The following FOXP2 variants were observed in gnomAD, a reference collection of about 807,000 sequenced individuals.
The protein encoded by FOXP2 is forkhead box P2, also known as forkhead box protein P2.
Under a neutral mutation model 115.8 loss-of-function variants are expected in FOXP2, and 12 were observed. The ratio of observed to expected loss-of-function variants is 0.10; its 90% CI spans 0.07 to 0.17. The LOEUF (loss-of-function observed/expected upper bound fraction) is 0.17, where lower values mean the gene tolerates loss of function less well. FOXP2 is among the 10% of genes least tolerant of loss of function. The pLI is 1.00. For synonymous variants in FOXP2, 328 were observed against 297.7 expected, an observed-to-expected ratio of 1.10 and a Z score of -1.05; for missense variants, 629 against 843.5, an observed-to-expected ratio of 0.75 and a Z score of 3.15.
intron 2 of FOXP2, among the ~76,000 whole-genome samples, chr7:114,492,102 C>T (rs1323201993): frequency 6.6e-6 from 1 of 152,122 alleles, no homozygotes; most frequent in Admixed American, 6.6e-5. Flanking sequence ...TGTTATTGGT[C>T]TATTCAGAGA....
chr7:114,528,165 C>T (rs530554720), intron 2 of FOXP2, among the ~76,000 whole-genome samples: 1 of 152,150 alleles, frequency 6.6e-6, no homozygotes, highest in South Asian at 2.1e-4. Flanking sequence ...TATGCTCTAT[C>T]CAAGATCAAT....
chr7:114,464,097 C>G (rs1037707948), intron 2 of FOXP2, among the ~76,000 whole-genome samples: 3 of 152,090 alleles, frequency 2.0e-5, no homozygotes, highest in Non-Finnish European at 4.4e-5. Context: ...AAATTTTATT[C>G]CCCTGTAAGT....
intron 2 of FOXP2, among the ~76,000 whole-genome samples, chr7:114,519,713 G>T (rs1277397258): frequency 6.6e-6 from 1 of 152,080 alleles, no homozygotes; most frequent in African/African-American, 2.4e-5. Flanking sequence ...AAGCCTTTGA[G>T]GGGGGCAGCA....
rs151173005 is a variant in FOXP2 at position 114,519,182 on chromosome 7, G to C, written c.169-15435G>C. 2.5e-3 allele frequency among the ~76,000 whole-genome samples: 385 copies of C among 152,274 alleles called. 2 individuals are homozygous for C. The highest frequency in any genetic ancestry group is 8.9e-3 in the African/African-American group (369 of 41,536). On this transcript the variant is annotated intron_variant, in intron 2 of 16. Coordinates refer to ENST00000350908, the MANE Select transcript of FOXP2 (RefSeq NM_014491.4). ...AATAATTTTTAATTAAAGAAGAGTA[G>C]GGAGGTAGCAATACCATAGAAGCTC... is the stretch of plus-strand genomic sequence containing the variant.
chr7:114,546,791 A>C (rs909873307), intron 3 of FOXP2, among the ~76,000 whole-genome samples: 1 of 152,202 alleles, frequency 6.6e-6, no homozygotes, highest in South Asian at 2.1e-4. Context: ...CAGTTATCTG[A>C]TTACTTCTCT....
chr7:114,354,693 C>A (rs969980782), intron 2 of FOXP2, among the ~76,000 whole-genome samples: 16 of 152,088 alleles, frequency 1.1e-4, no homozygotes, highest in African/African-American at 3.9e-4. Flanking sequence ...TCTTCTCCCT[C>A]CCCCTATATT....
intron 2 of FOXP2, among the ~76,000 whole-genome samples, chr7:114,455,706 A>G (rs1795285669): frequency 6.6e-6 from 1 of 152,200 alleles, no homozygotes; most frequent in South Asian, 2.1e-4. Flanking sequence ...CTACTTCCTT[A>G]CACACAATTA....
chr7:114,340,169 A>G (rs1044936073), intron 2 of FOXP2, among the ~76,000 whole-genome samples: 2 of 151,154 alleles, frequency 1.3e-5, no homozygotes. Flanking sequence ...GCTTAATAAG[A>G]AACCATGTGA....
intron 2 of FOXP2, among the ~76,000 whole-genome samples, chr7:114,508,767 G>A (rs556213791): frequency 6.6e-6 from 1 of 152,142 alleles, no homozygotes; most frequent in Non-Finnish European, 1.5e-5. Flanking sequence ...TTAAAATTGG[G>A]TATTCACTTA....
intron 1 of FOXP2, among the ~76,000 whole-genome samples, chr7:114,199,169 G>A (rs1370247076): frequency 3.3e-5 from 5 of 152,118 alleles, no homozygotes; most frequent in East Asian, 1.9e-4. Context: ...GGTGTCACCC[G>A]CTGTGCCTGG....
At chr7:114,256,583 G>A (rs1795619402) in intron 1 of FOXP2, among the ~76,000 whole-genome samples, 1 of 152,126 alleles carries the variant, frequency 6.6e-6, no homozygotes, top group Non-Finnish European at 1.5e-5. Context: ...TAAGTTTCTT[G>A]TAGACTCTGG....
At chr7:114,594,160 T>C (rs377138482) in intron 3 of FOXP2, among the ~76,000 whole-genome samples, 8 of 152,184 alleles carry the variant, frequency 5.3e-5, no homozygotes, top group African/African-American at 1.9e-4. Flanking sequence ...CCTCTAATAA[T>C]CCATTTGATT....
intron 16 of FOXP2, among the ~76,000 whole-genome samples, chr7:114,689,340 A>G (rs1171057745): frequency 6.6e-6 from 1 of 152,156 alleles, no homozygotes; most frequent in African/African-American, 2.4e-5. Flanking sequence ...AAATAGAAAT[A>G]AAATTGTTAA....
chr7:114,278,998 T>A lies in FOXP2; in HGVS notation c.-101-9021T>A, dbSNP rs148739846. On this transcript the variant is annotated intron_variant, in intron 1 of 17. Transcript: ENST00000634411. ...TTTATGAAAAATAAATTCTGGGTTA[T>A]ATGGGTAGATTAGAATAGAAGGTGG... Among the ~76,000 whole-genome samples the A allele has an allele frequency of 9.9e-3, 1,501 of 152,244 alleles. 16 individuals carry two copies. The highest frequency in any genetic ancestry group is 0.02 in the Middle Eastern group (6 of 294).
chr7:114,589,084 G>A (rs1229758), intron 3 of FOXP2, among the ~76,000 whole-genome samples: 79,918 of 151,804 alleles, frequency 0.53, 21,499 homozygotes, highest in East Asian at 0.75. Context: ...AAAAATAATC[G>A]TCATCAGACT....
chr7:114,590,432 AC>A (rs1441583286), intron 3 of FOXP2, among the ~76,000 whole-genome samples: 1 of 152,180 alleles, frequency 6.6e-6, no homozygotes, highest in Non-Finnish European at 1.5e-5. Flanking sequence ...GGGATCAAGA[AC>A]CAGAAAGCCC....
rs185638158 is a variant in FOXP2, at chr7:114,176,829, C to G, written c.-102+13741C>G. On this transcript the variant is annotated intron_variant, in intron 1 of 17. Transcript: ENST00000634411. ...TTTGTTTGTACTCTAAAAGTCCCAC[C>G]ATGCTTTATCTGCCTTTTAGTTACT... is the stretch of plus-strand genomic sequence containing the variant. Among the ~76,000 whole-genome samples the G allele has an allele frequency of 2.6e-5, 4 of 152,268 alleles. No homozygotes were observed. In the East Asian group the frequency reaches 5.8e-4, roughly 22 times the overall value.
chr7:114,400,851 G>A (rs1026759799), intron 2 of FOXP2, among the ~76,000 whole-genome samples: 24 of 152,078 alleles, frequency 1.6e-4, no homozygotes, highest in African/African-American at 5.3e-4. Context: ...TGGGTACAGG[G>A]ACCACTGCAA....
intron 1 of FOXP2, among the ~76,000 whole-genome samples, chr7:114,266,105 C>A (rs12540341): frequency 6.6e-6 from 1 of 152,152 alleles, no homozygotes; most frequent in Non-Finnish European, 1.5e-5. Flanking sequence ...CCTATCAGCC[C>A]AGATTTTACT....
Sources: gnomAD v4.1 joint callset for allele counts (sites outside exome capture counted in the v4.1 genomes callset) on GRCh38, gnomAD v4.1.1 for gene constraint, MANE v1.5 for transcripts, NCBI Gene and HGNC (gene_info 2026-07-23, HGNC 2026-07-21) for gene names.